The following SLC35F1 variants were observed in gnomAD, a reference collection of about 807,000 sequenced individuals.
The protein encoded by SLC35F1 is chromosome 6 open reading frame 169.
Under a neutral mutation model 48.7 loss-of-function variants are expected in SLC35F1, and 14 were observed. The ratio of observed to expected loss-of-function variants is 0.29; its 90% CI spans 0.19 to 0.45. The LOEUF is 0.45. SLC35F1 is among the 20% of genes least tolerant of loss of function. The pLI, the probability that SLC35F1 is intolerant of heterozygous loss-of-function variation, is 1.00. For missense variants in SLC35F1, 404 were observed against 500.0 expected (o/e 0.81, Z 1.83); for synonymous variants, 190 against 202.2 (o/e 0.94, Z 0.51).
At chr6:118,081,100 C>G (rs1409970501) in intron 1 of SLC35F1, among the ~76,000 whole-genome samples, 1 of 152,122 alleles carries the variant, frequency 6.6e-6, no homozygotes, top group Non-Finnish European at 1.5e-5. Context: ...ATTAAATCTT[C>G]CCTTTAATCC....
At chr6:118,180,776 AC>A (rs1774564550) in intron 2 of SLC35F1, among the ~76,000 whole-genome samples, 1 of 152,136 alleles carries the variant, frequency 6.6e-6, no homozygotes, top group Non-Finnish European at 1.5e-5. Flanking sequence ...GGAGATGGGC[AC>A]TAAAGAGATA....
intron 1 of SLC35F1, among the ~76,000 whole-genome samples, chr6:118,082,228 C>G (rs930605522): frequency 1.3e-5 from 2 of 152,170 alleles, no homozygotes; most frequent in Non-Finnish European, 2.9e-5. Context: ...TAGTTTATAA[C>G]TCAGTCCCAG....
chr6:118,113,162 C>T (rs1462459890), intron 1 of SLC35F1, among the ~76,000 whole-genome samples: 3 of 152,092 alleles, frequency 2.0e-5, no homozygotes, highest in African/African-American at 7.2e-5. Context: ...ATGAACATAG[C>T]TCACTGCAGC....
chr6:118,232,606 G>A (rs1775307786), intron 2 of SLC35F1, among the ~76,000 whole-genome samples: 1 of 150,256 alleles, frequency 6.7e-6, no homozygotes, highest in Non-Finnish European at 1.5e-5. Flanking sequence ...ACCTAGCCCA[G>A]TCTAGGGTAC....
chr6:118,121,052 A>G (rs764252964), intron 1 of SLC35F1, among the ~76,000 whole-genome samples: 7 of 152,166 alleles, frequency 4.6e-5, no homozygotes, highest in Non-Finnish European at 1.0e-4. Flanking sequence ...ATAGGGTGCC[A>G]GTTAAAAATA....
intron 3 of SLC35F1, among the ~76,000 whole-genome samples, chr6:118,260,999 A>T (rs1226123535): frequency 6.6e-6 from 1 of 152,232 alleles, no homozygotes; most frequent in Non-Finnish European, 1.5e-5. Flanking sequence ...GGATGAGGCC[A>T]ACTGGCACTT....
chr6:117,923,622 T>TATATAC (rs1775939596), intron 1 of SLC35F1, among the ~76,000 whole-genome samples: 1 of 20,336 alleles, frequency 4.9e-5, no homozygotes, highest in Non-Finnish European at 1.4e-4. Context: ...TACATATGTA[T>TATATAC]ATATACATAT....
chr6:117,966,061 A>G (rs993986949), intron 1 of SLC35F1, among the ~76,000 whole-genome samples: 4 of 150,398 alleles, frequency 2.7e-5, no homozygotes, highest in African/African-American at 9.8e-5. Flanking sequence ...CCGACCAATC[A>G]GCTCTCTGTA....
chr6:118,209,655 A>C (rs951725830), intron 2 of SLC35F1, among the ~76,000 whole-genome samples: 1 of 152,074 alleles, frequency 6.6e-6, no homozygotes, highest in Non-Finnish European at 1.5e-5. Flanking sequence ...TTAATATTAT[A>C]TTAAAGATTA....
At chr6:118,062,663 T>C (rs6939945) in intron 1 of SLC35F1, among the ~76,000 whole-genome samples, 245 of 152,270 alleles carry the variant, frequency 1.6e-3, no homozygotes, top group African/African-American at 5.6e-3. Flanking sequence ...TTTAGTACAG[T>C]ACATGAAAAT....
At chr6:118,036,378 A>C (rs955301204) in intron 1 of SLC35F1, among the ~76,000 whole-genome samples, 1 of 152,222 alleles carries the variant, frequency 6.6e-6, no homozygotes, top group African/African-American at 2.4e-5. Context: ...GTTAGAGAAC[A>C]AATTTTGTAG....
chr6:117,966,538 C>T (rs553894341), intron 1 of SLC35F1, among the ~76,000 whole-genome samples: 1 of 152,292 alleles, frequency 6.6e-6, no homozygotes, highest in Admixed American at 6.5e-5. Context: ...CACGAACCCA[C>T]CAGAAGGAAG....
At position 118,047,899 on chromosome 6, in the gene SLC35F1, C is replaced by A. The variant is rs547078162; in HGVS notation, c.174-106546C>A. On this transcript the variant is annotated intron_variant, in intron 1 of 7. Coordinates refer to ENST00000360388, the MANE Select transcript of SLC35F1 (RefSeq NM_001029858.4). ...TCCTTCTCCTGCCTAATTGCCCTGG[C>A]CAGAACTTCCAACACTATGTTGAAT... is the stretch of plus-strand genomic sequence containing the variant. Among the ~76,000 whole-genome samples the A allele has an allele frequency of 3.9e-5, 6 of 152,242 alleles. No homozygotes were observed. The South Asian group carries it at 1.0e-3, about 26-fold the overall frequency.
At chr6:118,274,063 C>G (rs1282751745) in intron 4 of SLC35F1, among the ~76,000 whole-genome samples, 1 of 152,196 alleles carries the variant, frequency 6.6e-6, no homozygotes, top group African/African-American at 2.4e-5. Flanking sequence ...CCCCACTGAA[C>G]AGTGAGAACC....
chr6:118,045,697 A>T (rs562131655), intron 1 of SLC35F1, among the ~76,000 whole-genome samples: 1 of 152,328 alleles, frequency 6.6e-6, no homozygotes, highest in African/African-American at 2.4e-5. Flanking sequence ...CAAAATGCAC[A>T]GGCCTACCTC....
chr6:118,194,975 G>A (rs913909573), intron 2 of SLC35F1, among the ~76,000 whole-genome samples: 6 of 152,068 alleles, frequency 3.9e-5, no homozygotes, highest in East Asian at 1.9e-4. Flanking sequence ...AGTTTCATCC[G>A]GTAACCAAAT....
intron 2 of SLC35F1, among the ~76,000 whole-genome samples, chr6:118,181,382 G>A (rs529455770): frequency 1.3e-5 from 2 of 152,104 alleles, no homozygotes; most frequent in South Asian, 4.1e-4. Context: ...TTGGAGGAGG[G>A]TAAAATTAAC....
intron 1 of SLC35F1, among the ~76,000 whole-genome samples, chr6:117,909,025 T>G (rs1161599485): frequency 6.6e-6 from 1 of 152,162 alleles, no homozygotes; most frequent in Non-Finnish European, 1.5e-5. Flanking sequence ...ATAGTTTAAT[T>G]TAGTTATATC....
intron 3 of SLC35F1, among the ~76,000 whole-genome samples, chr6:118,237,080 T>C (rs1775374976): frequency 6.6e-6 from 1 of 152,112 alleles, no homozygotes. Context: ...AAAAAATATA[T>C]TGGGGGATAC....
Sources: allele counts gnomAD v4.1 joint callset (sites outside exome capture counted in the v4.1 genomes callset), GRCh38; gene constraint gnomAD v4.1.1; transcripts MANE v1.5; gene names NCBI Gene and HGNC (gene_info 2026-07-23, HGNC 2026-07-21).